The following RAD52 variants were observed in gnomAD, a reference collection of about 807,000 sequenced individuals.
RAD52 encodes DNA repair protein RAD52 homolog.
RAD52 carries 47 observed loss-of-function variants against 55.5 expected under a neutral mutation model. The observed-to-expected ratio is 0.85, with a 90% CI of 0.67 to 1.08. The LOEUF (loss-of-function observed/expected upper bound fraction) is 1.08. Ranked by LOEUF, RAD52 falls within the 50% of genes least tolerant of loss-of-function variation. RAD52 has a pLI of 0.00. For missense variants in RAD52, 468 were observed against 522.8 expected, an observed-to-expected ratio of 0.90 and a Z score of 1.02; for synonymous variants, 184 against 198.9, an observed-to-expected ratio of 0.92 and a Z score of 0.63.
At chr12:981,783 A>AATAAAATAAAATAAC in intron 1 of RAD52, among the ~76,000 whole-genome samples, 1 of 151,328 alleles carries the variant, frequency 6.6e-6, no homozygotes, top group East Asian at 1.9e-4. Flanking sequence ...AATAAAATAA[A>AATAAAATAAAATAAC]ATAAAATAAA....
chr12:973,028 A>AT (rs1047009144), intron 1 of RAD52, among the ~76,000 whole-genome samples: 9 of 152,138 alleles, frequency 5.9e-5, no homozygotes, highest in African/African-American at 2.2e-4. Context: ...CTTTTAAATC[A>AT]TGGGGGGAAA....
intron 1 of RAD52, among the ~76,000 whole-genome samples, chr12:964,069 AG>A (rs1958724004): frequency 6.6e-6 from 1 of 152,126 alleles, no homozygotes; most frequent in African/African-American, 2.4e-5. Flanking sequence ...CTTGAGTCAA[AG>A]GCACCAGGAG....
intron 1 of RAD52, among the ~76,000 whole-genome samples, chr12:935,851 C>T (rs1437878512): frequency 1.4e-5 from 2 of 144,886 alleles, no homozygotes; most frequent in Admixed American, 1.4e-4. Context: ...GAAACTCCGT[C>T]TCAAAAAAAT....
intron 1 of RAD52, among the ~76,000 whole-genome samples, chr12:943,638 C>T (rs993253934): frequency 7.9e-5 from 12 of 152,136 alleles, no homozygotes; most frequent in East Asian, 1.9e-4. Flanking sequence ...CGTGAGCCAC[C>T]GCGCCTGGCC....
At chr12:950,208 T>C (rs1202477615), upstream of RAD52, among the ~76,000 whole-genome samples, 8 of 152,320 alleles carry the variant, frequency 5.3e-5, no homozygotes, top group East Asian at 1.5e-3. Context: ...CGTCACCGGA[T>C]GGCGCCTTCG....
At chr12:973,052 CA>C (rs1958885753) in intron 1 of RAD52, among the ~76,000 whole-genome samples, 1 of 152,090 alleles carries the variant, frequency 6.6e-6, no homozygotes, top group Admixed American at 6.6e-5. Context: ...GAAGAAAACA[CA>C]AAAACCAGTT....
At chr12:932,408 T>C (rs566184546) in intron 2 of RAD52, among the ~76,000 whole-genome samples, 6 of 152,032 alleles carry the variant, frequency 3.9e-5, no homozygotes, top group Admixed American at 1.3e-4. Flanking sequence ...GGCAGGAGAA[T>C]TGCTTGAATC....
intron 5 of RAD52, 61 bp downstream of exon 5, chr12:929,758 G>T: frequency 2.0e-6 from 3 of 1,504,158 alleles, no homozygotes; most frequent in Non-Finnish European, 2.8e-6. Context: ...TTCCCTACCT[G>T]CTCACCTTCT....
intron 1 of RAD52, among the ~76,000 whole-genome samples, chr12:970,795 G>T (rs915591993): frequency 1.3e-5 from 2 of 152,132 alleles, no homozygotes; most frequent in Non-Finnish European, 2.9e-5. Context: ...GCTATTTTGG[G>T]TAGGGTATCA....
intron 1 of RAD52, among the ~76,000 whole-genome samples, chr12:942,370 G>A (rs1957964467): frequency 6.6e-6 from 1 of 152,102 alleles, no homozygotes; most frequent in Non-Finnish European, 1.5e-5. Flanking sequence ...ATATCTATAT[G>A]GAAAAGAAAT....
intron 7 of RAD52, among the ~76,000 whole-genome samples, chr12:922,191 T>TAAAAAAAAA (rs79763100): frequency 1.5e-4 from 12 of 81,646 alleles, no homozygotes; most frequent in Non-Finnish European, 2.0e-4. Context: ...TAGGTTGGCT[T>TAAAAAAAAA]AAAAAAAAAA....
intron 1 of RAD52, among the ~76,000 whole-genome samples, chr12:973,405 G>A (rs1200808705): frequency 1.3e-5 from 2 of 152,108 alleles, no homozygotes; most frequent in African/African-American, 2.4e-5. Context: ...AATGTTGGTG[G>A]ATTGGGTCAG....
In RAD52 at chr12:912,881, T is replaced by TTGA; in HGVS notation, c.*507_*509dup. 2 of 197,908 alleles carry TTGA rather than the reference T, an allele frequency of 1.0e-5. No individual in the cohort carries two copies. Among genetic ancestry groups the TTGA allele is most frequent in the East Asian group, 7.9e-5 (1 of 12,612 alleles). 12.3% of individuals were successfully genotyped at this position (197,908 alleles called of 1,614,324 possible). On this transcript the variant is annotated 3_prime_UTR_variant, in exon 12 of 12. Coordinates refer to ENST00000358495, the MANE Select transcript of RAD52 (RefSeq NM_134424.4). Reference sequence around the variant, plus strand: ...TATTAAATGAAGATTGTAGCCTGGATTGATACAAAGTAGTGAAAAGCACTG... The same window carrying TTGA: ...TATTAAATGAAGATTGTAGCCTGGATTGATGATACAAAGTAGTGAAAAGCACTG...
intron 1 of RAD52, among the ~76,000 whole-genome samples, chr12:933,478 T>A (rs1957449260): frequency 7.3e-6 from 1 of 137,694 alleles, no homozygotes; most frequent in East Asian, 2.1e-4. Context: ...AAAAAAAGAA[T>A]CCCTATGCAA....
rs937757918 is a variant in RAD52, at chr12:912,762, T to C, written c.*629A>G. 1.7e-5 allele frequency: 3 copies of C among 173,358 alleles called. No homozygotes were observed. The highest frequency in any genetic ancestry group is 3.6e-5 in the Non-Finnish European group (3 of 82,262). 10.7% of individuals were successfully genotyped at this position (173,358 alleles called of 1,614,324 possible). Reference sequence around the variant, plus strand: ...AAAAAAAAACAAAAAACAGCCTTTTTTCGTGGTCTTAGATGATTATTTCCT... The same window carrying C: ...AAAAAAAAACAAAAAACAGCCTTTTCTCGTGGTCTTAGATGATTATTTCCT... On this transcript the variant is annotated 3_prime_UTR_variant, in exon 12 of 12. Coordinates refer to ENST00000358495, the MANE Select transcript of RAD52 (RefSeq NM_134424.4).
chr12:948,508 A>C (rs1031201312), intron 1 of RAD52, among the ~76,000 whole-genome samples: 10 of 152,110 alleles, frequency 6.6e-5, no homozygotes, highest in Admixed American at 6.5e-4. Flanking sequence ...GAAAAATACA[A>C]AGTAGCTGGG....
chr12:946,644 C>A (rs1423596474), intron 1 of RAD52, among the ~76,000 whole-genome samples: 1 of 152,160 alleles, frequency 6.6e-6, no homozygotes, highest in Non-Finnish European at 1.5e-5. Flanking sequence ...TTGGAGGCCC[C>A]TATAAACAGC....
At chr12:941,279 G>A (rs558319380) in intron 1 of RAD52, among the ~76,000 whole-genome samples, 4 of 152,248 alleles carry the variant, frequency 2.6e-5, no homozygotes, top group African/African-American at 7.2e-5. Flanking sequence ...AACAAAATAT[G>A]TATAAGACTT....
chr12:915,203 C>T (rs1449414284), intron 9 of RAD52, among the ~76,000 whole-genome samples: 1 of 152,182 alleles, frequency 6.6e-6, no homozygotes, highest in Non-Finnish European at 1.5e-5. Flanking sequence ...AACAATGGCT[C>T]GGGTTGTCTG....
Sources: allele counts gnomAD v4.1 joint callset (sites outside exome capture counted in the v4.1 genomes callset), GRCh38; gene constraint gnomAD v4.1.1; transcripts MANE v1.5; gene names NCBI Gene and HGNC (gene_info 2026-07-23, HGNC 2026-07-21).